DAPK1: variants seen among roughly 807,000 people sequenced by gnomAD.
The protein encoded by DAPK1 is death-associated protein kinase 1.
In DAPK1, 56 loss-of-function variants were observed where a neutral mutation model predicts 144.9. That is an observed-to-expected ratio of 0.39 (90% confidence interval 0.31 to 0.48). The LOEUF is 0.48. DAPK1 is among the 20% of genes least tolerant of loss of function. DAPK1 has a pLI of 0.95. For missense variants in DAPK1, 1,454 were observed against 1,875.4 expected (o/e 0.78, Z 4.15); for synonymous variants, 690 against 749.0 (o/e 0.92, Z 1.29).
chr9:87,591,460 T>C (rs1357525819), intron 2 of DAPK1, among the ~76,000 whole-genome samples: 9 of 152,212 alleles, frequency 5.9e-5, no homozygotes, highest in Non-Finnish European at 1.3e-4. Flanking sequence ...TTTAAACAGA[T>C]AGGTAGTCAG....
At chr9:87,619,541 C>T (rs13298004) in intron 3 of DAPK1, among the ~76,000 whole-genome samples, 15,039 of 152,200 alleles carry the variant, frequency 0.099, 990 homozygotes, top group South Asian at 0.24. Context: ...CACTGCTTCC[C>T]GAAGGCTCTG....
chr9:87,628,281 G>C (rs1405612681), intron 3 of DAPK1, among the ~76,000 whole-genome samples: 1 of 152,194 alleles, frequency 6.6e-6, no homozygotes, highest in Non-Finnish European at 1.5e-5. Flanking sequence ...GATACAGCTT[G>C]CATTTTGGAT....
At chr9:87,556,314 G>A (rs921071958) in intron 2 of DAPK1, among the ~76,000 whole-genome samples, 4 of 152,228 alleles carry the variant, frequency 2.6e-5, no homozygotes, top group African/African-American at 9.6e-5. Flanking sequence ...GGAAACAGGT[G>A]CAGAGAGGCA....
At chr9:87,647,590 A>G (rs1248913506) in intron 14 of DAPK1, among the ~76,000 whole-genome samples, 187 bp downstream of exon 14, 4 of 152,224 alleles carry the variant, frequency 2.6e-5, no homozygotes, top group Non-Finnish European at 4.4e-5. Flanking sequence ...ATCAGCCTTA[A>G]GTCAAAATCT....
At chr9:87,501,736 G>C (rs11141854) in intron 2 of DAPK1, among the ~76,000 whole-genome samples, 1 of 152,138 alleles carries the variant, frequency 6.6e-6, no homozygotes, top group African/African-American at 2.4e-5. Flanking sequence ...GAAAATGTTC[G>C]TATTTGTGTG....
chr9:87,650,725 G>T (rs1314157396), intron 16 of DAPK1, among the ~76,000 whole-genome samples: 2 of 152,180 alleles, frequency 1.3e-5, no homozygotes, highest in South Asian at 2.1e-4. Context: ...TGGGTCGGGG[G>T]CGACTTTGCC....
At chr9:87,645,498 A>G (rs1476810015) in intron 11 of DAPK1, among the ~76,000 whole-genome samples, 2 of 152,226 alleles carry the variant, frequency 1.3e-5, no homozygotes, top group Non-Finnish European at 2.9e-5. Flanking sequence ...CTTTGCTGCA[A>G]TAGGCTTTTC....
intron 19 of DAPK1, among the ~76,000 whole-genome samples, chr9:87,680,455 A>G (rs1033879070): frequency 6.6e-6 from 1 of 152,206 alleles, no homozygotes; most frequent in Admixed American, 6.5e-5. Flanking sequence ...GTTGAAACCA[A>G]AAGTGATGGT....
At chr9:87,703,760 C>G (rs191813507) in intron 25 of DAPK1, among the ~76,000 whole-genome samples, 51 of 152,266 alleles carry the variant, frequency 3.3e-4, no homozygotes, top group African/African-American at 1.2e-3. Context: ...CAATGCCCAG[C>G]AGAAATGATT....
Position 87,698,712 on chromosome 9 carries a change from G to A in DAPK1, c.2668G>A (p.Asp890Asn). The change falls in exon 23 of 26, where the codon GAC becomes AAC. Residue 890 changes from aspartate to asparagine, a missense_variant. Around this residue, in one of 2 missense-constraint regions of DAPK1, gnomAD observed 1,025 missense variants for 1,237.9 expected, o/e 0.83. Transcript: ENST00000408954. ...AGTTGTCCTGGTGGCCACCCACGCT[G>A]ACATCATGAATGTTCCTCGACCGGC... ...LQVVLVATHADIMNVPRPAGG... is the reference protein window; with the variant it reads ...LQVVLVATHANIMNVPRPAGG... 1 of 1,598,126 alleles carries A rather than the reference G, an allele frequency of 6.3e-7. No homozygotes were observed.
At chr9:87,700,047 G>T in intron 23 of DAPK1, 70 bp from the exon 24 acceptor site, 1 of 1,345,728 alleles carries the variant, frequency 7.4e-7, no homozygotes. Flanking sequence ...GCCAGTAGGA[G>T]CCTGGCCCCT....
intron 2 of DAPK1, among the ~76,000 whole-genome samples, chr9:87,506,657 G>A (rs1042480264): frequency 6.6e-6 from 1 of 152,202 alleles, no homozygotes; most frequent in East Asian, 1.9e-4. Flanking sequence ...GAGACTTTAT[G>A]TGGAAGATAA....
intron 17 of DAPK1, among the ~76,000 whole-genome samples, chr9:87,654,671 G>A (rs1294220924): frequency 2.0e-5 from 3 of 152,148 alleles, no homozygotes; most frequent in Non-Finnish European, 2.9e-5. Flanking sequence ...TTTCCATCTA[G>A]GATTCTTTAA....
At chr9:87,583,818 T>C (rs1181495786) in intron 2 of DAPK1, among the ~76,000 whole-genome samples, 1 of 152,196 alleles carries the variant, frequency 6.6e-6, no homozygotes, top group Non-Finnish European at 1.5e-5. Flanking sequence ...ATTGGAACCT[T>C]TCAGCCTACC....
At chr9:87,606,128 C>T (rs1269244109) in intron 3 of DAPK1, among the ~76,000 whole-genome samples, 1 of 152,176 alleles carries the variant, frequency 6.6e-6, no homozygotes, top group African/African-American at 2.4e-5. Context: ...GATCCAACGG[C>T]CTCCTTCTTT....
At position 87,650,075 on chromosome 9, in the gene DAPK1, A is replaced by G; in HGVS notation, c.1583A>G (p.Glu528Gly). The change falls in exon 16 of 26, where the codon GAG becomes GGG. Residue 528 changes from glutamate to glycine, a missense_variant. By Grantham distance (98) the Glu-to-Gly change is moderately conservative (BLOSUM62 -2). This residue lies in a region of DAPK1 where 1,025 missense variants were observed against 1,237.9 expected (regional missense o/e 0.83). Coordinates refer to ENST00000408954, the MANE Select transcript of DAPK1 (RefSeq NM_004938.4). ...GCCAGGGGCTACCACGACATCGTGG[A>G]GTGTCTGGCCGAACATGGAGCCGAC... ...ASARGYHDIVECLAEHGADLN... is the reference protein window; with the variant it reads ...ASARGYHDIVGCLAEHGADLN... The G allele has an allele frequency of 1.2e-6, 2 of 1,614,100 alleles. No homozygotes were observed. Among genetic ancestry groups the G allele is most frequent in the Non-Finnish European group, 1.7e-6 (2 of 1,180,016 alleles).
At chr9:87,507,611 G>A (rs935015385) in intron 2 of DAPK1, among the ~76,000 whole-genome samples, 4 of 152,196 alleles carry the variant, frequency 2.6e-5, no homozygotes, top group Non-Finnish European at 5.9e-5. Context: ...GAGTGGTGGG[G>A]AGGGGAGGGA....
chr9:87,639,365 A>G lies in DAPK1; in HGVS notation c.435A>G (p.Ile145Met). ...CTCTTTTTTTCAAGCCTGAGAACAT[A>G]ATGCTTTTGGATAGAAATGTCCCCA... is the stretch of plus-strand genomic sequence containing the variant. Reference protein sequence around the residue: ...IAHFDLKPENIMLLDRNVPKP... With the variant: ...IAHFDLKPENMMLLDRNVPKP... The change falls in exon 5 of 26, where the codon ATA becomes ATG. Residue 145 changes from isoleucine to methionine, a missense_variant. Coordinates refer to ENST00000408954, the MANE Select transcript of DAPK1 (RefSeq NM_004938.4). 1.9e-6 allele frequency: 3 copies of G among 1,607,942 alleles called. No homozygotes were observed. The highest frequency in any genetic ancestry group is 2.2e-5 in the South Asian group (2 of 89,364).
chr9:87,698,445 T>C, intron 22 of DAPK1: 1 of 490,888 alleles, frequency 2.0e-6, no homozygotes, highest in Non-Finnish European at 3.6e-6. Context: ...CCTTGTGGCC[T>C]AGGAGATAGG....
Sources: allele counts gnomAD v4.1 joint callset (sites outside exome capture counted in the v4.1 genomes callset), GRCh38; gene constraint gnomAD v4.1.1; regional missense constraint gnomAD v4.1.1; transcripts MANE v1.5; gene names NCBI Gene and HGNC (gene_info 2026-07-23, HGNC 2026-07-21).